RBFOX1: variants seen among roughly 807,000 people sequenced by gnomAD.
RBFOX1 encodes RNA binding fox-1 homolog 1, also known as RNA binding protein fox-1 homolog 1.
A neutral mutation model predicts 57.7 loss-of-function variants in RBFOX1; 8 were observed. That is an observed-to-expected ratio of 0.14 (90% CI 0.08 to 0.25). The LOEUF is 0.25. Among genes scored for constraint, RBFOX1 ranks in the 10% least tolerant of loss-of-function variants. RBFOX1 has a pLI of 1.00. For synonymous variants in RBFOX1, 326 were observed against 222.4 expected, an observed-to-expected ratio of 1.47 and a Z score of -4.15; for missense variants, 611 against 548.5, an observed-to-expected ratio of 1.11 and a Z score of -1.14.
intron 13 of RBFOX1, among the ~76,000 whole-genome samples, chr16:7,668,851 C>T (rs962769064): frequency 6.6e-6 from 1 of 152,032 alleles, no homozygotes. Context: ...AACAGAGTTG[C>T]AATGCAAGGA....
At chr16:7,089,211 T>C (rs2060441108) in intron 4 of RBFOX1, among the ~76,000 whole-genome samples, 1 of 152,194 alleles carries the variant, frequency 6.6e-6, no homozygotes, top group African/African-American at 2.4e-5. Context: ...TTTGTCTTCA[T>C]TTCAGGGCAA....
At chr16:7,354,636 C>A (rs1036077401) in intron 4 of RBFOX1, among the ~76,000 whole-genome samples, 1 of 152,142 alleles carries the variant, frequency 6.6e-6, no homozygotes, top group African/African-American at 2.4e-5. Context: ...TTTTTGTTAG[C>A]TGTGTTTATG....
chr16:5,340,364 T>C (rs75856052), intron 1 of RBFOX1, among the ~76,000 whole-genome samples: 2 of 152,226 alleles, frequency 1.3e-5, no homozygotes, highest in East Asian at 3.8e-4. Flanking sequence ...TGATACTGCT[T>C]TAAGTATAAA....
At chr16:5,782,437 C>G (rs913920470) in intron 3 of RBFOX1, among the ~76,000 whole-genome samples, 35 of 152,110 alleles carry the variant, frequency 2.3e-4, no homozygotes, top group African/African-American at 8.5e-4. Flanking sequence ...AGGGCAGAGC[C>G]CTTATGATTT....
At chr16:7,644,411 C>T (rs765407082) in intron 11 of RBFOX1, among the ~76,000 whole-genome samples, 3 of 152,202 alleles carry the variant, frequency 2.0e-5, no homozygotes, top group South Asian at 2.1e-4. Context: ...GCAATCACAT[C>T]GTTCCTTGAA....
intron 1 of RBFOX1, among the ~76,000 whole-genome samples, chr16:6,250,707 G>T (rs1398162202): frequency 6.6e-6 from 1 of 152,164 alleles, no homozygotes; most frequent in Non-Finnish European, 1.5e-5. Context: ...GGAGTATGTT[G>T]CAGAGAGGAA....
intron 5 of RBFOX1, among the ~76,000 whole-genome samples, chr16:7,539,668 G>A (rs2082395038): frequency 6.6e-6 from 1 of 152,188 alleles, no homozygotes; most frequent in Non-Finnish European, 1.5e-5. Context: ...TAAGGATACC[G>A]AGACTGTTTC....
At chr16:6,822,644 T>G (rs2091500704) in intron 3 of RBFOX1, among the ~76,000 whole-genome samples, 1 of 152,186 alleles carries the variant, frequency 6.6e-6, no homozygotes, top group African/African-American at 2.4e-5. Flanking sequence ...GGTATGAGGT[T>G]AGACAACCCC....
chr16:6,111,873 T>A (rs1315076473), intron 1 of RBFOX1, among the ~76,000 whole-genome samples: 1 of 152,186 alleles, frequency 6.6e-6, no homozygotes, highest in Non-Finnish European at 1.5e-5. Context: ...CAAAAAGGGG[T>A]AAGTGTATGG....
At chr16:5,479,120 T>C (rs561418128) in intron 2 of RBFOX1, among the ~76,000 whole-genome samples, 1 of 152,308 alleles carries the variant, frequency 6.6e-6, no homozygotes, top group Non-Finnish European at 1.5e-5. Flanking sequence ...TACATAAAAA[T>C]GCGGTCACAG....
intron 3 of RBFOX1, among the ~76,000 whole-genome samples, chr16:6,658,383 A>G (rs1199521716): frequency 6.6e-6 from 1 of 151,432 alleles, no homozygotes; most frequent in Non-Finnish European, 1.5e-5. Context: ...TAATTTTTGT[A>G]TTCTTAGTAG....
intron 1 of RBFOX1, among the ~76,000 whole-genome samples, chr16:6,031,113 A>G (rs1008212134): frequency 2.0e-5 from 3 of 152,200 alleles, no homozygotes; most frequent in Admixed American, 6.5e-5. Flanking sequence ...GTTCGGTAGG[A>G]ACATCAGGGA....
At chr16:6,321,058 C>T (rs7198800) in intron 2 of RBFOX1, among the ~76,000 whole-genome samples, 3 of 152,140 alleles carry the variant, frequency 2.0e-5, no homozygotes, top group Admixed American at 1.3e-4. Flanking sequence ...CCTCCCAAAG[C>T]GTTGGGATTA....
chr16:7,195,150 A>G (rs981249919), intron 4 of RBFOX1, among the ~76,000 whole-genome samples: 6 of 152,174 alleles, frequency 3.9e-5, no homozygotes, highest in African/African-American at 1.4e-4. Flanking sequence ...TGTGCCTCAT[A>G]TTGCATTTCT....
At chr16:7,492,244 T>A (rs922725004) in intron 4 of RBFOX1, among the ~76,000 whole-genome samples, 8 of 152,180 alleles carry the variant, frequency 5.3e-5, no homozygotes, top group African/African-American at 1.9e-4. Flanking sequence ...GTTGTAAAAA[T>A]TCAAATAAAA....
chr16:6,378,393 TC>T (rs1170912850), intron 2 of RBFOX1, among the ~76,000 whole-genome samples: 1 of 152,312 alleles, frequency 6.6e-6, no homozygotes, highest in East Asian at 1.9e-4. Context: ...TGGGCATCTT[TC>T]TGCACTAGCC....
chr16:5,527,620 T>A (rs1051676798), intron 2 of RBFOX1, among the ~76,000 whole-genome samples: 1 of 152,204 alleles, frequency 6.6e-6, no homozygotes, highest in Non-Finnish European at 1.5e-5. Flanking sequence ...TTACCCTTCT[T>A]CCTCCCTGTC....
In RBFOX1 at chr16:6,989,413, T is replaced by C. The variant is rs543931681; in HGVS notation, c.-15-62644T>C. ...TGTATAATGAATTACAATTTGTTAT[T>C]ATTTAACGGTGCAATTAGAACTTTT... On this transcript the variant is annotated intron_variant, in intron 3 of 15. Transcript: ENST00000550418. Among the ~76,000 whole-genome samples the C allele has an allele frequency of 7.9e-5, 12 of 152,326 alleles. No homozygotes were observed. The East Asian group carries it at 2.3e-3, about 29-fold the overall frequency.
At chr16:5,580,344 G>C (rs899158692) in intron 2 of RBFOX1, among the ~76,000 whole-genome samples, 1 of 152,210 alleles carries the variant, frequency 6.6e-6, no homozygotes, top group African/African-American at 2.4e-5. Context: ...TGAGCTTGTG[G>C]GAAAACATCC....
Sources: gnomAD v4.1 joint callset for allele counts (sites outside exome capture counted in the v4.1 genomes callset) on GRCh38, gnomAD v4.1.1 for gene constraint, MANE v1.5 for transcripts, NCBI Gene and HGNC (gene_info 2026-07-23, HGNC 2026-07-21) for gene names.